FNDC5: variants seen among roughly 807,000 people sequenced by gnomAD.
The protein encoded by FNDC5 is fibronectin type III domain-containing protein 5.
In FNDC5, 10 loss-of-function variants were observed where a neutral mutation model predicts 24.6. That is an observed-to-expected ratio of 0.41 (90% confidence interval 0.25 to 0.69). The LOEUF (loss-of-function observed/expected upper bound fraction) is 0.69, where lower values mean the gene tolerates loss of function less well. FNDC5 is among the 30% of genes least tolerant of loss of function. The pLI is 0.34. For synonymous variants in FNDC5, 90 were observed against 110.7 expected, an observed-to-expected ratio of 0.81 and a Z score of 1.18; for missense variants, 226 against 282.9, an observed-to-expected ratio of 0.80 and a Z score of 1.44.
upstream of FNDC5, among the ~76,000 whole-genome samples, chr1:32,871,382 G>T (rs1641182134): frequency 6.6e-6 from 1 of 152,178 alleles, no homozygotes; most frequent in African/African-American, 2.4e-5. Flanking sequence ...GTGCTAAGTG[G>T]ACACTAGGGC....
chr1:32,865,225 G>A (rs900598449), intron 4 of FNDC5, among the ~76,000 whole-genome samples: 16 of 151,836 alleles, frequency 1.1e-4, no homozygotes, highest in South Asian at 6.3e-4. Context: ...TCAGCCTCCC[G>A]AGTAGCTGGG....
chr1:32,865,736 G>C (rs1430283931), intron 4 of FNDC5, among the ~76,000 whole-genome samples: 1 of 152,098 alleles, frequency 6.6e-6, no homozygotes, highest in Non-Finnish European at 1.5e-5. Flanking sequence ...TTGAGCTCGT[G>C]CCAGGCCCTG....
intron 4 of FNDC5, among the ~76,000 whole-genome samples, chr1:32,866,187 T>C (rs74876472): frequency 1.6e-3 from 250 of 152,324 alleles, no homozygotes; most frequent in African/African-American, 5.7e-3. Context: ...TATATTGTTA[T>C]GATTATATAA....
intron 4 of FNDC5, 81 bp from the exon 5 acceptor site, chr1:32,864,878 A>G (rs1641041474): frequency 3.8e-6 from 6 of 1,569,710 alleles, no homozygotes; most frequent in Non-Finnish European, 5.2e-6. Context: ...GTGCTTGCCA[A>G]TGGTCTCTCC....
chr1:32,865,345 C>T (rs1180044354), intron 4 of FNDC5, among the ~76,000 whole-genome samples: 1 of 151,042 alleles, frequency 6.6e-6, no homozygotes, highest in Non-Finnish European at 1.5e-5. Context: ...GTGATCCGCC[C>T]ACATTGGCCT....
Position 32,864,246 on chromosome 1 carries a change from TCTA to T in FNDC5, c.*45_*47del. 1 of 1,614,196 alleles carries T rather than the reference TCTA, an allele frequency of 6.2e-7. No individual in the cohort carries two copies. Among genetic ancestry groups the T allele is most frequent in the Non-Finnish European group, 8.5e-7 (1 of 1,180,028 alleles). On this transcript the variant is annotated 3_prime_UTR_variant, in exon 6 of 6. Coordinates refer to ENST00000373471, the MANE Select transcript of FNDC5 (RefSeq NM_153756.3). ...AGAACCATGAGATCCTCTCACATTC[TCTA>T]CTGTCTGTCTTCTTAGCTGCTGAGG...
Position 32,864,813 on chromosome 1 carries a change from T to G in FNDC5, c.500-16A>C. On this transcript the variant is annotated splice_polypyrimidine_tract_variant and intron_variant, in intron 4 of 5. Coordinates refer to ENST00000373471, the MANE Select transcript of FNDC5 (RefSeq NM_153756.3). ...GCAATGACACCTGAGGGGGGACAAG[T>G]GAGCAGTCAGAGGCCAGAGCCTGGG... The G allele has an allele frequency of 1.9e-6, 3 of 1,613,638 alleles. No individual in the cohort carries two copies. The highest frequency in any genetic ancestry group is 1.7e-6 in the Non-Finnish European group (2 of 1,179,944).
chr1:32,864,077 A>G lies in FNDC5; in HGVS notation c.*217T>C, dbSNP rs1041359121. ...CCTCTGAGTGCAGCCTCAGCCACTG[A>G]CATTGTTGAGGTGCTTCTGGAGATG... On this transcript the variant is annotated 3_prime_UTR_variant, in exon 6 of 6. Transcript: ENST00000373471. 2 of 1,477,578 alleles carry G rather than the reference A, an allele frequency of 1.4e-6. No individual in the cohort carries two copies. The highest frequency in any genetic ancestry group is 1.4e-5 in the African/African-American group (1 of 70,980). The allele number at this position is 1,477,578 out of a possible 1,614,324, so 91.5% of individuals were successfully genotyped here.
At chr1:32,867,227 A>T (rs1182191092) in intron 4 of FNDC5, among the ~76,000 whole-genome samples, 1 of 152,220 alleles carries the variant, frequency 6.6e-6, no homozygotes, top group East Asian at 1.9e-4. Flanking sequence ...TAAAGAGAGG[A>T]GTGAACAGTA....
At chr1:32,870,012 C>T (rs1262890945) in intron 1 of FNDC5, among the ~76,000 whole-genome samples, 4 of 152,048 alleles carry the variant, frequency 2.6e-5, no homozygotes, top group Non-Finnish European at 5.9e-5. Flanking sequence ...AGAAGTGGGG[C>T]ATCTGAGAAA....
rs1379923395 is a variant in FNDC5, at chr1:32,868,295, T to C, written c.304A>G (p.Ile102Val). Residue 102 changes from isoleucine to valine, a missense_variant, in exon 3 of 6, where the codon ATA (isoleucine) becomes GTA (valine). Ile to Val is a conservative substitution (Grantham distance 29). Transcript: ENST00000373471. The surrounding 1 kb of genome is among the most constrained non-coding windows in gnomAD (Gnocchi z 4.8). ...ATGGAGATGGCCTGCACGTGGACTA[T>C]GTACTCCGTATCCTCCTCCAGGTCC... is the stretch of plus-strand genomic sequence containing the variant. 3 of 1,614,230 alleles carry C rather than the reference T, an allele frequency of 1.9e-6. No homozygotes were observed. Among genetic ancestry groups the C allele is most frequent in the Non-Finnish European group, 1.7e-6 (2 of 1,180,030 alleles).
rs765656287 is a variant in FNDC5, at chr1:32,868,339, G to A, written c.260C>T (p.Thr87Ile). Residue 87 changes from threonine (T) to isoleucine (I), a missense_variant, in exon 3 of 6, where the codon ACC (threonine) becomes ATC (isoleucine). By Grantham distance (89) the Thr-to-Ile change is moderately conservative (BLOSUM62 -1). Transcript: ENST00000373471. The surrounding 1 kb of genome is among the most constrained non-coding windows in gnomAD (Gnocchi z 4.8). The stretch of plus-strand genomic sequence containing the variant: ...CAGGTCCCAGAGGGCACATGAGCGG[G>A]TGGTGGTGTTCACCTCCTGGATGAA... 21 of 1,614,060 alleles carry A rather than the reference G, an allele frequency of 1.3e-5. No individual in the cohort carries two copies. The highest frequency in any genetic ancestry group is 1.8e-5 in the Non-Finnish European group (21 of 1,180,028).
At position 32,862,753 on chromosome 1, in the gene FNDC5, G is replaced by A. The variant is rs1480537001; in HGVS notation, c.*1541C>T. 1 of 152,612 alleles carries A rather than the reference G, an allele frequency of 6.6e-6. No individual in the cohort carries two copies. The highest frequency in any genetic ancestry group is 1.5e-5 in the Non-Finnish European group (1 of 68,070). 9.5% of individuals were successfully genotyped at this position (152,612 alleles called of 1,614,324 possible). ...GCAGCCGTAACTCGTCAGTCCTAGG[G>A]AAGAGTCTACCTTCCCTCATCAAGC... On this transcript the variant is annotated 3_prime_UTR_variant, in exon 6 of 6. Transcript: ENST00000373471.
At chr1:32,866,578 C>T (rs1641074259) in intron 4 of FNDC5, among the ~76,000 whole-genome samples, 1 of 152,106 alleles carries the variant, frequency 6.6e-6, no homozygotes, top group Non-Finnish European at 1.5e-5. Flanking sequence ...GCTCAATTCC[C>T]ATGTTATCTC....
At chr1:32,867,911 A>C (rs573535262) in intron 3 of FNDC5, 69 bp from the exon 4 acceptor site, 8 of 1,459,208 alleles carry the variant, frequency 5.5e-6, no homozygotes, top group Non-Finnish European at 6.7e-6. Flanking sequence ...GGCCAAGCCC[A>C]AGACAACAGT....
intron 4 of FNDC5, among the ~76,000 whole-genome samples, chr1:32,865,145 G>A (rs1641046473): frequency 6.6e-6 from 1 of 151,914 alleles, no homozygotes; most frequent in Non-Finnish European, 1.5e-5. Context: ...TGTTGCCCAG[G>A]CTGGAGTGCA....
rs532898911 is a variant in FNDC5 at position 32,868,294 on chromosome 1, A to G, written c.305T>C (p.Ile102Thr). The G allele has an allele frequency of 4.3e-6, 7 of 1,614,174 alleles. No individual in the cohort carries two copies. Among genetic ancestry groups the G allele is most frequent in the African/African-American group, 2.7e-5 (2 of 75,028 alleles). Residue 102 changes from isoleucine to threonine, a missense_variant, in exon 3 of 6, where the codon ATA becomes ACA. Transcript: ENST00000373471. This position sits in a 1 kb window ranked among gnomAD's most constrained non-coding sequence, Gnocchi z 4.8. ...AATGGAGATGGCCTGCACGTGGACT[A>G]TGTACTCCGTATCCTCCTCCAGGTC... is the stretch of plus-strand genomic sequence containing the variant.
In FNDC5 at chr1:32,870,887, G is replaced by A. The variant is rs932094406; in HGVS notation, c.-141C>T. The stretch of plus-strand genomic sequence containing the variant: ...CGCCCTGCGCCGCCCCGAGCCGCCT[G>A]CATGTCGGCTCCGCGGACAGCGACT... On this transcript the variant is annotated 5_prime_UTR_variant, in exon 1 of 6. Transcript: ENST00000373471. The A allele has an allele frequency of 6.7e-6, 1 of 150,128 alleles. No homozygotes were observed. The highest frequency in any genetic ancestry group is 1.4e-5 in the Non-Finnish European group (1 of 69,970). The allele number at this position is 150,128 out of a possible 1,614,324, so 9.3% of individuals were successfully genotyped here. A position where few individuals can be genotyped will look rare whatever the true frequency, so the allele number is the denominator to read the frequency against.
Position 32,863,729 on chromosome 1 carries a change from G to C in FNDC5, c.*565C>G, listed in dbSNP as rs1215821758. ...GAAAAATGGAATCCTTCTCCCTGCAGACAGGCAGTCACGCTTCAATGATGT... is the reference window on the plus strand; with the variant it reads ...GAAAAATGGAATCCTTCTCCCTGCACACAGGCAGTCACGCTTCAATGATGT... On this transcript the variant is annotated 3_prime_UTR_variant, in exon 6 of 6. Transcript: ENST00000373471. The C allele has an allele frequency of 7.7e-7, 1 of 1,304,548 alleles. No homozygotes were observed. The highest frequency in any genetic ancestry group is 5.5e-5 in the East Asian group (1 of 18,022). The allele number at this position is 1,304,548 out of a possible 1,614,324, so 80.8% of individuals were successfully genotyped here. A position where few individuals can be genotyped will look rare whatever the true frequency, so the allele number is the denominator to read the frequency against.
Sources: gnomAD v4.1 joint callset for allele counts (sites outside exome capture counted in the v4.1 genomes callset) on GRCh38, gnomAD v4.1.1 for gene constraint, Gnocchi (gnomAD v3.1) non-coding constraint, MANE v1.5 for transcripts, NCBI Gene and HGNC (gene_info 2026-07-23, HGNC 2026-07-21) for gene names.